NARF: variants seen among roughly 807,000 people sequenced by gnomAD.
The protein encoded by NARF is iron-only hydrogenase-like protein 2.
In NARF, 41 loss-of-function variants were observed where a neutral mutation model predicts 48.0. The ratio of observed to expected loss-of-function variants is 0.85; its 90% confidence interval spans 0.66 to 1.11. The LOEUF (loss-of-function observed/expected upper bound fraction) is 1.11, where lower values mean the gene tolerates loss of function less well. Among genes scored for constraint, NARF ranks in the 50% least tolerant of loss-of-function variants. The pLI is 0.00. For missense variants in NARF, 613 were observed against 590.2 expected, an observed-to-expected ratio of 1.04 and a Z score of -0.40; for synonymous variants, 215 against 225.5, an observed-to-expected ratio of 0.95 and a Z score of 0.42.
rs1019716338 is a variant in NARF, at chr17:82,488,973, T to A, written c.*816T>A. 1 of 152,534 alleles carries A rather than the reference T, an allele frequency of 6.6e-6. No homozygotes were observed. Among genetic ancestry groups the A allele is most frequent in the Non-Finnish European group, 1.5e-5 (1 of 68,216 alleles). The allele number at this position is 152,534 out of a possible 1,614,324, so 9.4% of individuals were successfully genotyped here. A position where few individuals can be genotyped will look rare whatever the true frequency, so the allele number is the denominator to read the frequency against. On this transcript the variant is annotated 3_prime_UTR_variant, in exon 11 of 11. Coordinates refer to ENST00000309794, the MANE Select transcript of NARF (RefSeq NM_012336.4). ...GTCCCAGATCCCTGCCCATTTTGGC[T>A]CTTTCTTTTACCCACTCATATTTTC...
chr17:82,483,196 G>A (rs150539091), intron 7 of NARF: 22 of 320,156 alleles, frequency 6.9e-5, no homozygotes, highest in Non-Finnish European at 1.3e-4. Flanking sequence ...GTGCACACCT[G>A]TAATCACAGC....
chr17:82,480,971 G>A, intron 6 of NARF, 111 bp from the exon 7 acceptor site: 1 of 1,372,374 alleles, frequency 7.3e-7, no homozygotes, highest in Non-Finnish European at 1.0e-6. Flanking sequence ...GCAGTGTCTG[G>A]AGGGCAGCAG....
chr17:82,480,981 G>T, intron 6 of NARF, 101 bp from the exon 7 acceptor site: 1 of 1,409,220 alleles, frequency 7.1e-7, no homozygotes, highest in South Asian at 1.2e-5. Context: ...GAGGGCAGCA[G>T]CAGGGGGCAT....
chr17:82,463,404 A>G (rs2043483138), intron 2 of NARF: 1 of 152,182 alleles, frequency 6.6e-6, no homozygotes, highest in South Asian at 2.1e-4. Flanking sequence ...AGTCAGCAAC[A>G]TAAGTACAGA....
At position 82,471,387 on chromosome 17, in the gene NARF, G is replaced by A. The variant is rs2043699394; in HGVS notation, c.386-1177G>A. On this transcript the variant is annotated intron_variant, in intron 4 of 10. Coordinates refer to ENST00000309794, the MANE Select transcript of NARF (RefSeq NM_012336.4). The stretch of plus-strand genomic sequence containing the variant: ...GGAGAATGGTGTGAACCTGGGAGGC[G>A]GAGCTTGCAGTGAGCCGAGATCACG... Among the ~76,000 whole-genome samples, 5 of 150,344 alleles carry A rather than the reference G, an allele frequency of 3.3e-5. No homozygotes were observed. The South Asian group carries it at 6.3e-4, about 19-fold the overall frequency.
At chr17:82,483,390 TTC>T (rs1449863217) in intron 7 of NARF, 3 of 323,344 alleles carry the variant, frequency 9.3e-6, no homozygotes, top group Admixed American at 4.7e-5. Context: ...CACAAAAGTT[TTC>T]TGTTTGTTTC....
intron 6 of NARF, chr17:82,480,543 C>T (rs780380271): frequency 7.7e-5 from 31 of 404,928 alleles, no homozygotes; most frequent in East Asian, 5.7e-4. Context: ...TGCTGGTGCT[C>T]GGTAGAGTTG....
rs1165268896 is a variant in NARF at position 82,464,274 on chromosome 17, T to C, written c.109-13T>C. 11 of 1,611,430 alleles carry C rather than the reference T, an allele frequency of 6.8e-6. No homozygotes were observed. The East Asian group carries it at 2.2e-4, about 33-fold the overall frequency. ...TTTGTTGAATAATCATGCTGAAACG[T>C]CATCTTTCATAGAAGGGAGAATTCC... On this transcript the variant is annotated splice_polypyrimidine_tract_variant and intron_variant, in intron 2 of 10. Transcript: ENST00000309794.
At chr17:82,477,974 G>A (rs2043873044) in intron 5 of NARF, 2 of 152,336 alleles carry the variant, frequency 1.3e-5, no homozygotes, top group African/African-American at 4.8e-5. Flanking sequence ...TTCCCCGCCA[G>A]GAGTAGAGTC....
At position 82,487,776 on chromosome 17, in the gene NARF, G is replaced by A. The variant is rs146959580; in HGVS notation, c.1130-140G>A. On this transcript the variant is annotated intron_variant, in intron 10 of 10. Coordinates refer to ENST00000309794, the MANE Select transcript of NARF (RefSeq NM_012336.4). ...CAGCCTGAGCAACATAGCAACACCCGCCCCTCCCGCCCAATCTCTACAAAA... is the reference window on the plus strand; with the variant it reads ...CAGCCTGAGCAACATAGCAACACCCACCCCTCCCGCCCAATCTCTACAAAA... 2.2e-3 allele frequency: 713 copies of A among 330,570 alleles called. 6 individuals carry two copies. The highest frequency in any genetic ancestry group is 0.013 in the African/African-American group (570 of 42,500). 20.5% of individuals were successfully genotyped at this position (330,570 alleles called of 1,614,324 possible).
At chr17:82,466,814 T>A (rs1440088618) in intron 3 of NARF, among the ~76,000 whole-genome samples, 1 of 152,150 alleles carries the variant, frequency 6.6e-6, no homozygotes, top group African/African-American at 2.4e-5. Context: ...TCTTCCCCTG[T>A]TGACCTGAAA....
chr17:82,481,438 A>G (rs2043962968), intron 7 of NARF, among the ~76,000 whole-genome samples: 1 of 152,124 alleles, frequency 6.6e-6, no homozygotes. Context: ...CCTCAAGATA[A>G]ATCAGGTCTC....
At chr17:82,481,367 T>G (rs377729690) in intron 7 of NARF, 156 bp downstream of exon 7, 4 of 1,085,542 alleles carry the variant, frequency 3.7e-6, no homozygotes, top group East Asian at 2.5e-5. Context: ...CCTAGGGGCT[T>G]AACTGCAGGT....
chr17:82,461,562 G>T (rs1320340684), intron 2 of NARF, among the ~76,000 whole-genome samples: 1 of 152,198 alleles, frequency 6.6e-6, no homozygotes, highest in Non-Finnish European at 1.5e-5. Context: ...GGTGAGCCGA[G>T]ATCACGCCAC....
chr17:82,472,576 T>G lies in NARF; in HGVS notation c.398T>G (p.Val133Gly). 6.2e-7 allele frequency: 1 copy of G among 1,613,294 alleles called. No individual in the cohort carries two copies. The highest frequency in any genetic ancestry group is 8.5e-7 in the Non-Finnish European group (1 of 1,179,624). The stretch of plus-strand genomic sequence containing the variant: ...CTCTCTCCTGCAGGGGTGCACTATG[T>G]ATTTGATACGACGATAGCTGCGGAT... Reference protein sequence around the residue: ...GFLKSLGVHYVFDTTIAADFS... With the variant: ...GFLKSLGVHYGFDTTIAADFS... Residue 133 changes from valine to glycine, a missense_variant, in exon 5 of 11, where the codon GTA (valine) becomes GGA (glycine). Transcript: ENST00000309794.
chr17:82,487,798 A>AACC, intron 10 of NARF, 118 bp from the exon 11 acceptor site: 2 of 893,398 alleles, frequency 2.2e-6, no homozygotes, highest in Non-Finnish European at 3.2e-6. Flanking sequence ...CAATCTCTAC[A>AACC]AAAAATTTAA....
intron 4 of NARF, among the ~76,000 whole-genome samples, chr17:82,471,563 C>A (rs1262078767): frequency 4.1e-5 from 6 of 145,322 alleles, no homozygotes; most frequent in Non-Finnish European, 9.1e-5. Context: ...GAGGCCGAGG[C>A]GGGCGGATCA....
chr17:82,473,403 T>A (rs2043760710), intron 5 of NARF, among the ~76,000 whole-genome samples: 1 of 147,868 alleles, frequency 6.8e-6, no homozygotes, highest in South Asian at 2.2e-4. Context: ...CAAGCGATTC[T>A]TTTTTTTTTG....
chr17:82,486,975 T>A (rs984640850), intron 10 of NARF, among the ~76,000 whole-genome samples: 2 of 152,202 alleles, frequency 1.3e-5, no homozygotes, highest in Non-Finnish European at 2.9e-5. Context: ...CTGCCTCTGG[T>A]GCAGCCTCCA....
Sources: allele counts gnomAD v4.1 joint callset (sites outside exome capture counted in the v4.1 genomes callset), GRCh38; gene constraint gnomAD v4.1.1; transcripts MANE v1.5; gene names NCBI Gene and HGNC (gene_info 2026-07-23, HGNC 2026-07-21).